The following BIRC2 variants were observed in gnomAD, a reference collection of about 807,000 sequenced individuals.
BIRC2 encodes baculoviral IAP repeat-containing protein 2.
Under a neutral mutation model 60.9 loss-of-function variants are expected in BIRC2, and 18 were observed. The ratio of observed to expected loss-of-function variants is 0.30; its 90% CI spans 0.20 to 0.44. The LOEUF is 0.44. BIRC2 is among the 20% of genes least tolerant of loss of function. The probability of loss-of-function intolerance (pLI) is 1.00; values close to 1 mark genes in which losing one functional copy is unlikely to be tolerated. For missense variants in BIRC2, 701 were observed against 728.5 expected (o/e 0.96, Z 0.43); for synonymous variants, 282 against 247.7 (o/e 1.14, Z -1.30).
At chr11:102,376,706 GTTTTT>G (rs1040917560) in intron 6 of BIRC2, among the ~76,000 whole-genome samples, 1 of 151,956 alleles carries the variant, frequency 6.6e-6, no homozygotes, top group Non-Finnish European at 1.5e-5. Flanking sequence ...TTCTTAGGTA[GTTTTT>G]TTTAATTGCT....
At chr11:102,366,542 A>T (rs546228450) in intron 5 of BIRC2, among the ~76,000 whole-genome samples, 1 of 149,966 alleles carries the variant, frequency 6.7e-6, no homozygotes, top group African/African-American at 2.5e-5. Flanking sequence ...AATTTTTTGT[A>T]TTTTTTTTTA....
chr11:102,368,630 G>A (rs921664807), intron 6 of BIRC2, 82 bp downstream of exon 6: 2 of 1,523,222 alleles, frequency 1.3e-6, no homozygotes, highest in Non-Finnish European at 1.8e-6. Flanking sequence ...CACCATGCTT[G>A]TTTCACATCC....
At chr11:102,352,998 A>G (rs556645615) in intron 3 of BIRC2, among the ~76,000 whole-genome samples, 1 of 152,286 alleles carries the variant, frequency 6.6e-6, no homozygotes, top group African/African-American at 2.4e-5. Context: ...ATATATCAAG[A>G]TAAATTTTGA....
chr11:102,368,290 G>A lies in BIRC2; in HGVS notation c.1124-16G>A, dbSNP rs2135818239. The A allele has an allele frequency of 6.2e-7, 1 of 1,605,006 alleles. No individual in the cohort carries two copies. The highest frequency in any genetic ancestry group is 8.5e-7 in the Non-Finnish European group (1 of 1,175,342). On this transcript the variant is annotated splice_polypyrimidine_tract_variant and intron_variant, in intron 5 of 8. Transcript: ENST00000227758. The stretch of plus-strand genomic sequence containing the variant: ...TGTTTGTGGAATTTAATATTAGCAT[G>A]TTTCTTTTCAAATAGTTATTCATTT...
At chr11:102,363,300 A>T (rs917689624) in intron 4 of BIRC2, among the ~76,000 whole-genome samples, 5 of 152,078 alleles carry the variant, frequency 3.3e-5, no homozygotes, top group Admixed American at 1.3e-4. Context: ...TTGTGATGGG[A>T]TTGGAGAAGG....
At chr11:102,362,784 A>C (rs1951499907) in intron 3 of BIRC2, 112 bp from the exon 4 acceptor site, 1 of 751,042 alleles carries the variant, frequency 1.3e-6, no homozygotes, top group South Asian at 1.8e-5. Flanking sequence ...TGTGACGTAA[A>C]ATGTTTTTAC....
rs34130638 is a variant in BIRC2, at chr11:102,365,743, A to AGTGTGTGTGTGTGTGTGT, written c.1123+2038_1123+2055dup. ...AGGCATGCACCATCACATTCAGCTAAGTGTGTGTGTGTGTGTGTGTGTGTG... is the reference window on the plus strand; with the variant it reads ...AGGCATGCACCATCACATTCAGCTAAGTGTGTGTGTGTGTGTGTGTGTGTGTGTGTGTGTGTGTGTGTG... On this transcript the variant is annotated intron_variant, in intron 5 of 8. Transcript: ENST00000227758. Among the ~76,000 whole-genome samples the AGTGTGTGTGTGTGTGTGT allele has an allele frequency of 4.9e-3, 717 of 147,644 alleles. 8 individuals carry two copies. Among genetic ancestry groups the AGTGTGTGTGTGTGTGTGT allele is most frequent in the African/African-American group, 0.017 (684 of 40,086 alleles).
In BIRC2 at chr11:102,360,436, T is replaced by C. The variant is rs11225225; in HGVS notation, c.996-2460T>C. On this transcript the variant is annotated intron_variant, in intron 3 of 8. Transcript: ENST00000227758. ...GCTTGATCAGGTCTGCTATTGATGC[T>C]CTCTATTGCATTTTTTGTTGTTATG... 4.2e-3 allele frequency among the ~76,000 whole-genome samples: 635 copies of C among 152,056 alleles called. 11 individuals are homozygous for C. In the East Asian group the frequency reaches 0.076, roughly 18 times the overall value.
chr11:102,350,235 T>G lies in BIRC2; in HGVS notation c.381T>G (p.Asn127Lys). 3 of 1,614,246 alleles carry G rather than the reference T, an allele frequency of 1.9e-6. No individual in the cohort carries two copies. Among genetic ancestry groups the G allele is most frequent in the Middle Eastern group, 1.6e-4 (1 of 6,062 alleles). Residue 127 changes from asparagine to lysine, a missense_variant, in exon 2 of 9, where the codon AAT becomes AAG. This residue lies in a region of BIRC2 where 375 missense variants were observed against 365.9 expected (regional missense o/e 1.02). Coordinates refer to ENST00000227758, the MANE Select transcript of BIRC2 (RefSeq NM_001166.5). ...VSASLGSTSK[N>K]TSPMRNSFAH... ...CTAGTCTGGGATCCACCTCTAAGAATACGTCTCCAATGAGAAACAGTTTTG... is the reference window on the plus strand; with the variant it reads ...CTAGTCTGGGATCCACCTCTAAGAAGACGTCTCCAATGAGAAACAGTTTTG...
rs183881729 is a variant in BIRC2 at position 102,354,703 on chromosome 11, A to G, written c.995+3760A>G. Among the ~76,000 whole-genome samples the G allele has an allele frequency of 1.0e-3, 152 of 152,334 alleles. No homozygotes were observed. The South Asian group carries it at 0.012, about 12-fold the overall frequency. ...TTTTCCATAATGACAGTAGTAAATT[A>G]CCAACAATGGTCAAGGGTTCCCTTT... On this transcript the variant is annotated intron_variant, in intron 3 of 8. Transcript: ENST00000227758.
At position 102,350,962 on chromosome 11, in the gene BIRC2, GTATT is replaced by G. The variant is rs1951351916; in HGVS notation, c.995+21_995+24del. 3.1e-6 allele frequency: 5 copies of G among 1,607,068 alleles called. No homozygotes were observed. The African/African-American group carries it at 6.7e-5, about 22-fold the overall frequency. ...TTCCAAGGTAATTGTTTTGAAAAAG[GTATT>G]TGTACAAAAAACTCTGTGCTTAAAA... On this transcript the variant is annotated intron_variant, in intron 3 of 8. Transcript: ENST00000227758.
At chr11:102,355,691 G>T (rs113814304) in intron 3 of BIRC2, among the ~76,000 whole-genome samples, 57 of 152,270 alleles carry the variant, frequency 3.7e-4, no homozygotes, top group African/African-American at 1.3e-3. Flanking sequence ...TATTGAATCT[G>T]TAGAATGTTA....
At position 102,366,750 on chromosome 11, in the gene BIRC2, A is replaced by G. The variant is rs34832568; in HGVS notation, c.1124-1556A>G. On this transcript the variant is annotated intron_variant, in intron 5 of 8. Coordinates refer to ENST00000227758, the MANE Select transcript of BIRC2 (RefSeq NM_001166.5). ...AGTCTTCCTGATTCTGGTTTACCCC[A>G]TTAAAGTAACATCTCCACCGAGCTG... Among the ~76,000 whole-genome samples, 36 of 152,308 alleles carry G rather than the reference A, an allele frequency of 2.4e-4. No individual in the cohort carries two copies. The East Asian group carries it at 6.2e-3, about 26-fold the overall frequency.
chr11:102,347,862 C>T (rs1426901094), intron 1 of BIRC2: 1 of 152,192 alleles, frequency 6.6e-6, no homozygotes, highest in Non-Finnish European at 1.5e-5. Context: ...CCCATAGTTT[C>T]TATTCTTTTC....
intron 3 of BIRC2, among the ~76,000 whole-genome samples, chr11:102,352,204 C>G (rs1014418108): frequency 6.6e-6 from 1 of 151,662 alleles, no homozygotes; most frequent in African/African-American, 2.4e-5. Context: ...AGCTCCACCT[C>G]CCGGGTTCAC....
intron 5 of BIRC2, among the ~76,000 whole-genome samples, chr11:102,364,145 A>ATATATATATATG (rs1951518874): frequency 1.7e-5 from 1 of 58,990 alleles, no homozygotes; most frequent in Non-Finnish European, 3.3e-5. Flanking sequence ...AATATTATAT[A>ATATATATATATG]TATATATATA....
rs1409857425 is a variant in BIRC2, at chr11:102,350,642, A to C, written c.788A>C (p.Asn263Thr). ...SLETLRFSIS[N>T]LSMQTHAARM... ...GAAACTCTGAGGTTTAGCATTTCAAATCTGAGCATGCAGACACATGCAGCT... is the reference window on the plus strand; with the variant it reads ...GAAACTCTGAGGTTTAGCATTTCAACTCTGAGCATGCAGACACATGCAGCT... The change falls in exon 2 of 9, where the codon AAT becomes ACT. Residue 263 changes from asparagine to threonine, a missense_variant. By Grantham distance (65) the Asn-to-Thr change is moderately conservative. This residue lies in a region of BIRC2 where 375 missense variants were observed against 365.9 expected (regional missense o/e 1.02). Coordinates refer to ENST00000227758, the MANE Select transcript of BIRC2 (RefSeq NM_001166.5). 4 of 1,614,138 alleles carry C rather than the reference A, an allele frequency of 2.5e-6. No individual in the cohort carries two copies. In the African/African-American group the frequency reaches 5.3e-5, roughly 22 times the overall value.
In BIRC2 at chr11:102,348,791, T is replaced by C. The variant is rs982364302; in HGVS notation, c.-1064T>C. On this transcript the variant is annotated 5_prime_UTR_variant, in exon 2 of 9. Transcript: ENST00000227758. ...CTAGTAGAGTTGATTACTGATACTT[T>C]ATGCTAAGCAGTACTTTTTTGGTAG... 20 of 318,226 alleles carry C rather than the reference T, an allele frequency of 6.3e-5. No homozygotes were observed. The highest frequency in any genetic ancestry group is 1.8e-4 in the African/African-American group (8 of 44,466). The allele number at this position is 318,226 out of a possible 1,614,324, so 19.7% of individuals were successfully genotyped here.
intron 3 of BIRC2, among the ~76,000 whole-genome samples, chr11:102,357,592 T>C (rs1951437975): frequency 6.6e-6 from 1 of 152,212 alleles, no homozygotes; most frequent in African/African-American, 2.4e-5. Flanking sequence ...TAATTGTTCA[T>C]GGTAGTCTCT....
Sources: allele counts gnomAD v4.1 joint callset (sites outside exome capture counted in the v4.1 genomes callset), GRCh38; gene constraint gnomAD v4.1.1; regional missense constraint gnomAD v4.1.1; transcripts MANE v1.5; gene names NCBI Gene and HGNC (gene_info 2026-07-23, HGNC 2026-07-21).